The following PIP5K1B variants were observed in gnomAD, a reference collection of about 807,000 sequenced individuals.
The protein encoded by PIP5K1B is phosphatidylinositol 4-phosphate 5-kinase type-1 beta.
PIP5K1B carries 42 observed loss-of-function variants against 67.0 expected under a neutral mutation model. That is an observed-to-expected ratio of 0.63 (90% CI 0.49 to 0.81). The LOEUF is 0.81. Ranked by LOEUF, PIP5K1B falls within the 30% of genes least tolerant of loss-of-function variation. PIP5K1B has a pLI of 0.00. For synonymous variants in PIP5K1B, 214 were observed against 231.4 expected (o/e 0.92, Z 0.68); for missense variants, 459 against 646.3 (o/e 0.71, Z 3.14).
At chr9:68,912,352 G>C (rs1242409475) in intron 8 of PIP5K1B, among the ~76,000 whole-genome samples, 3 of 150,508 alleles carry the variant, frequency 2.0e-5, no homozygotes, top group Admixed American at 6.6e-5. Flanking sequence ...AAAAAACAGA[G>C]AGCTTTGGGT....
intron 2 of PIP5K1B, among the ~76,000 whole-genome samples, chr9:68,814,782 T>C (rs1833351556): frequency 6.6e-6 from 1 of 152,154 alleles, no homozygotes. Context: ...ATCATGCCAC[T>C]TCACTCCAGC....
chr9:68,716,746 C>T (rs1345157949), intron 1 of PIP5K1B, among the ~76,000 whole-genome samples: 1 of 152,078 alleles, frequency 6.6e-6, no homozygotes, highest in African/African-American at 2.4e-5. Context: ...TGGATATATA[C>T]CCAAAGGAAA....
At chr9:68,847,457 G>C (rs926051543) in intron 4 of PIP5K1B, among the ~76,000 whole-genome samples, 1 of 149,926 alleles carries the variant, frequency 6.7e-6, no homozygotes, top group African/African-American at 2.5e-5. Context: ...GTGTGTGTGT[G>C]TGTGTGTAGG....
intron 8 of PIP5K1B, among the ~76,000 whole-genome samples, chr9:68,912,286 C>T (rs1825894435): frequency 6.6e-6 from 1 of 152,092 alleles, no homozygotes; most frequent in African/African-American, 2.4e-5. Flanking sequence ...GTGCGTGGCA[C>T]TCAAACATTT....
At chr9:68,950,851 G>A (rs78144948) in intron 14 of PIP5K1B, among the ~76,000 whole-genome samples, 1 of 152,136 alleles carries the variant, frequency 6.6e-6, no homozygotes, top group African/African-American at 2.4e-5. Context: ...CTTATCTCCT[G>A]TAATTTAAAT....
intron 1 of PIP5K1B, chr9:68,728,629 A>G (rs1828265052): frequency 6.6e-6 from 1 of 152,218 alleles, no homozygotes; most frequent in Admixed American, 6.5e-5. Flanking sequence ...CCTGAGGCAC[A>G]GCTTGTTTGG....
At chr9:68,863,797 ACTGTTAAG>A (rs1455274789) in intron 4 of PIP5K1B, 32 bp from the exon 5 acceptor site, 1 of 1,596,202 alleles carries the variant, frequency 6.3e-7, no homozygotes, top group East Asian at 2.2e-5. Context: ...CAAGGCCCTG[ACTGTTAAG>A]ACTAATGTTG....
At chr9:68,728,216 G>A (rs1256212217) in intron 1 of PIP5K1B, among the ~76,000 whole-genome samples, 2 of 152,104 alleles carry the variant, frequency 1.3e-5, no homozygotes, top group Admixed American at 6.6e-5. Flanking sequence ...CTTAAACAAC[G>A]AACATTTATT....
intron 15 of PIP5K1B, among the ~76,000 whole-genome samples, chr9:68,992,941 G>A (rs983626609): frequency 1.3e-5 from 2 of 151,196 alleles, no homozygotes; most frequent in Admixed American, 1.3e-4. Context: ...GGAGCATCAG[G>A]AGGTCAGGAG....
intron 4 of PIP5K1B, among the ~76,000 whole-genome samples, chr9:68,840,611 G>A (rs1442002102): frequency 6.6e-6 from 1 of 152,118 alleles, no homozygotes; most frequent in African/African-American, 2.4e-5. Context: ...TACATTTCTT[G>A]GCTCATGGCC....
intron 15 of PIP5K1B, 130 bp from the exon 16 acceptor site, chr9:69,008,317 A>G (rs889507085): frequency 2.9e-5 from 24 of 815,276 alleles, no homozygotes; most frequent in Non-Finnish European, 4.8e-5. Flanking sequence ...AAGAATCCCA[A>G]ACATAATGCA....
At chr9:68,961,006 C>T (rs1298383468) in intron 14 of PIP5K1B, among the ~76,000 whole-genome samples, 2 of 151,370 alleles carry the variant, frequency 1.3e-5, no homozygotes, top group Non-Finnish European at 2.9e-5. Context: ...GTCAGGAGAT[C>T]GAGACCATCC....
intron 6 of PIP5K1B, among the ~76,000 whole-genome samples, chr9:68,878,620 A>G (rs1436090210): frequency 6.6e-6 from 1 of 152,222 alleles, no homozygotes; most frequent in African/African-American, 2.4e-5. Context: ...TGCTTTGCTC[A>G]TAGTTGTAGG....
At chr9:68,715,719 T>C (rs1827604359) in intron 1 of PIP5K1B, among the ~76,000 whole-genome samples, 1 of 152,190 alleles carries the variant, frequency 6.6e-6, no homozygotes. Flanking sequence ...CCAATACTTC[T>C]ACCTTAAAAA....
At chr9:68,881,884 C>A (rs1824215502) in intron 6 of PIP5K1B, among the ~76,000 whole-genome samples, 1 of 152,160 alleles carries the variant, frequency 6.6e-6, no homozygotes, top group Non-Finnish European at 1.5e-5. Context: ...TCCAGTAGAA[C>A]TTATATGAGT....
At chr9:68,746,623 G>C (rs190253169) in intron 2 of PIP5K1B, among the ~76,000 whole-genome samples, 21 of 152,146 alleles carry the variant, frequency 1.4e-4, no homozygotes, top group African/African-American at 4.8e-4. Context: ...AACCTAAGGG[G>C]TTGATGGCAG....
intron 11 of PIP5K1B, among the ~76,000 whole-genome samples, chr9:68,922,460 C>CAAAAAAAAAAAAAAAAA (rs141136674): frequency 1.6e-5 from 2 of 128,228 alleles, no homozygotes; most frequent in Admixed American, 8.4e-5. Context: ...GACTCTGTCT[C>CAAAAAAAAAAAAAAAAA]AAAAAAAAAG....
chr9:68,866,274 C>T (rs1396516905), intron 5 of PIP5K1B, among the ~76,000 whole-genome samples: 8 of 147,906 alleles, frequency 5.4e-5, no homozygotes, highest in South Asian at 2.1e-4. Context: ...CCAGTCTGGG[C>T]GACAGGGTGG....
At chr9:68,855,069 G>T (rs548602234) in intron 4 of PIP5K1B, among the ~76,000 whole-genome samples, 2 of 152,254 alleles carry the variant, frequency 1.3e-5, no homozygotes, top group East Asian at 3.9e-4. Context: ...TTAACAATAT[G>T]AATGAGAAAA....
Sources: gnomAD v4.1 joint callset for allele counts (sites outside exome capture counted in the v4.1 genomes callset) on GRCh38, gnomAD v4.1.1 for gene constraint, MANE v1.5 for transcripts, NCBI Gene and HGNC (gene_info 2026-07-23, HGNC 2026-07-21) for gene names.